ZNF853: variants seen among roughly 807,000 people sequenced by gnomAD.
The protein encoded by ZNF853 is zinc finger protein 853.
Under a neutral mutation model 94.7 loss-of-function variants are expected in ZNF853, and 57 were observed. The observed-to-expected ratio is 0.60, with a 90% CI of 0.49 to 0.75. The LOEUF is 0.75. Among genes scored for constraint, ZNF853 ranks in the 30% least tolerant of loss-of-function variants. ZNF853 has a pLI of 0.00. For synonymous variants in ZNF853, 448 were observed against 406.3 expected, an observed-to-expected ratio of 1.10 and a Z score of -1.23; for missense variants, 785 against 868.9, an observed-to-expected ratio of 0.90 and a Z score of 1.21.
At position 6,623,049 on chromosome 7, in the gene ZNF853, A is replaced by G; in HGVS notation, c.*78A>G. 1 of 1,208,640 alleles carries G rather than the reference A, an allele frequency of 8.3e-7. No individual in the cohort carries two copies. Among genetic ancestry groups the G allele is most frequent in the Non-Finnish European group, 1.0e-6 (1 of 966,224 alleles). 74.9% of individuals were successfully genotyped at this position (1,208,640 alleles called of 1,614,324 possible). Reference sequence around the variant, plus strand: ...CTGAAAAGCTCCTTGACCCGGGTTCATGGGCGCTGGAGGCGTCCTGGAATA... The same window carrying G: ...CTGAAAAGCTCCTTGACCCGGGTTCGTGGGCGCTGGAGGCGTCCTGGAATA... On this transcript the variant is annotated 3_prime_UTR_variant, in exon 3 of 3. Transcript: ENST00000457543.
chr7:6,622,580 C>T lies in ZNF853; in HGVS notation c.1589C>T (p.Thr530Met), dbSNP rs1782654125. 1.3e-6 allele frequency: 2 copies of T among 1,573,394 alleles called. No homozygotes were observed. The highest frequency in any genetic ancestry group is 8.6e-7 in the Non-Finnish European group (1 of 1,160,536). The change falls in exon 3 of 3, where the codon ACG becomes ATG. Residue 530 changes from threonine to methionine, a missense_variant. Thr to Met is a moderately conservative substitution (Grantham distance 81). Coordinates refer to ENST00000457543, the MANE Select transcript of ZNF853 (RefSeq NM_017560.3). ...TTCTCGCAGCACTCGAATCTGGTGA[C>T]GCACCAACGCATCCACACGGGCGAG... ...KGFSQHSNLV[T>M]HQRIHTGEKP...
chr7:6,621,725 A>T lies in ZNF853; in HGVS notation c.734A>T (p.Gln245Leu). 2 of 1,551,050 alleles carry T rather than the reference A, an allele frequency of 1.3e-6. No individual in the cohort carries two copies. Among genetic ancestry groups the T allele is most frequent in the Non-Finnish European group, 8.7e-7 (1 of 1,146,966 alleles). Residue 245 changes from glutamine to leucine, a missense_variant, in exon 3 of 3, where the codon CAG becomes CTG. Coordinates refer to ENST00000457543, the MANE Select transcript of ZNF853 (RefSeq NM_017560.3). ...LQQQQQLLLL[Q>L]QQGQLQQQLL... ...CAGCAGCAGCAGCTACTATTGCTGC[A>T]GCAGCAGGGACAGTTACAGCAGCAA...
intron 1 of ZNF853, among the ~76,000 whole-genome samples, 190 bp downstream of exon 1, chr7:6,616,376 C>T: frequency 3.3e-5 from 5 of 152,112 alleles, no homozygotes; most frequent in Admixed American, 2.0e-4. Context: ...CTGCCTTGCC[C>T]GGGAGCTGGG....
chr7:6,619,656 A>C, intron 2 of ZNF853, among the ~76,000 whole-genome samples: 5 of 152,334 alleles, frequency 3.3e-5, no homozygotes, highest in African/African-American at 1.2e-4. Context: ...CTTCCATTAC[A>C]AAATGGAAAA....
At chr7:6,620,077 G>A in intron 2 of ZNF853, among the ~76,000 whole-genome samples, 44,560 of 151,938 alleles carry the variant, frequency 0.29, 6,709 homozygotes, top group Admixed American at 0.39. Context: ...TTGTTGTACT[G>A]TTTAAGCAGA....
Position 6,622,872 on chromosome 7 carries a change from C to G in ZNF853, c.1881C>G (p.Gly627=). 2 of 1,368,740 alleles carry G rather than the reference C, an allele frequency of 1.5e-6. No homozygotes were observed. Among genetic ancestry groups the G allele is most frequent in the Admixed American group, 3.7e-5 (1 of 26,800 alleles). The allele number at this position is 1,368,740 out of a possible 1,614,324, so 84.8% of individuals were successfully genotyped here. ...RQLHGAGRSR[G]LGLLRASRPA... ...TGCACGGCGCGGGCCGCTCCAGGGG[C>G]CTCGGCCTGCTGCGCGCCTCGCGGC... Residue 627 remains glycine, a synonymous_variant, in exon 3 of 3, where the codon GGC becomes GGG. Transcript: ENST00000457543.
Position 6,623,421 on chromosome 7 carries a change from G to A in ZNF853, c.*450G>A, listed in dbSNP as rs578107639. ...AAAATGATCGCAAGGAGAAATTCGG[G>A]GAGGAAGCAAACTTGTTTGCACTAT... is the stretch of plus-strand genomic sequence containing the variant. On this transcript the variant is annotated 3_prime_UTR_variant, in exon 3 of 3. Coordinates refer to ENST00000457543, the MANE Select transcript of ZNF853 (RefSeq NM_017560.3). 36 of 398,542 alleles carry A rather than the reference G, an allele frequency of 9.0e-5. No homozygotes were observed. Among genetic ancestry groups the A allele is most frequent in the African/African-American group, 2.7e-4 (13 of 48,734 alleles). The allele number at this position is 398,542 out of a possible 1,614,324, so 24.7% of individuals were successfully genotyped here.
Position 6,623,644 on chromosome 7 carries a change from C to T in ZNF853, c.*673C>T, listed in dbSNP as rs537199181. 2.4e-5 allele frequency: 7 copies of T among 287,764 alleles called. No homozygotes were observed. In the South Asian group the frequency reaches 6.7e-4, roughly 27 times the overall value. 17.8% of individuals were successfully genotyped at this position (287,764 alleles called of 1,614,324 possible). Reference sequence around the variant, plus strand: ...CTCCGGGTGGAAGGTAAAACCTTCCCTCCAGGGAACCAGGGGCTCCGGCGG... The same window carrying T: ...CTCCGGGTGGAAGGTAAAACCTTCCTTCCAGGGAACCAGGGGCTCCGGCGG... On this transcript the variant is annotated 3_prime_UTR_variant, in exon 3 of 3. Coordinates refer to ENST00000457543, the MANE Select transcript of ZNF853 (RefSeq NM_017560.3).
At position 6,622,302 on chromosome 7, in the gene ZNF853, C is replaced by G. The variant is rs938716215; in HGVS notation, c.1311C>G (p.Pro437=). 6.6e-7 allele frequency: 1 copy of G among 1,508,508 alleles called. No individual in the cohort carries two copies. Among genetic ancestry groups the G allele is most frequent in the Non-Finnish European group, 8.8e-7 (1 of 1,135,354 alleles). 93.4% of individuals were successfully genotyped at this position (1,508,508 alleles called of 1,614,324 possible). Residue 437 remains proline, a synonymous_variant, in exon 3 of 3, where the codon CCC becomes CCG. Coordinates refer to ENST00000457543, the MANE Select transcript of ZNF853 (RefSeq NM_017560.3). ...PGAPAAVVVA[P]PGYVVVQELM... is the part of the protein sequence containing the mutation. Reference sequence around the variant, plus strand: ...CTCCGGCCGCGGTCGTGGTGGCTCCCCCGGGCTACGTGGTGGTGCAGGAGC... The same window carrying G: ...CTCCGGCCGCGGTCGTGGTGGCTCCGCCGGGCTACGTGGTGGTGCAGGAGC...
chr7:6,616,781 C>A, intron 1 of ZNF853, among the ~76,000 whole-genome samples: 1 of 151,840 alleles, frequency 6.6e-6, no homozygotes, highest in East Asian at 1.9e-4. Flanking sequence ...TTGAAGGAGG[C>A]AGGGAGGATG....
At position 6,623,194 on chromosome 7, in the gene ZNF853, C is replaced by G. The variant is rs978755333; in HGVS notation, c.*223C>G. On this transcript the variant is annotated 3_prime_UTR_variant, in exon 3 of 3. Coordinates refer to ENST00000457543, the MANE Select transcript of ZNF853 (RefSeq NM_017560.3). Reference sequence around the variant, plus strand: ...TCCATCCGCCAAAAGAGAAGTGGACCGGGGCTGAAACAGCACACGGGACAC... The same window carrying G: ...TCCATCCGCCAAAAGAGAAGTGGACGGGGGCTGAAACAGCACACGGGACAC... 19 of 437,420 alleles carry G rather than the reference C, an allele frequency of 4.3e-5. No individual in the cohort carries two copies. The Admixed American group carries it at 4.8e-4, about 11-fold the overall frequency. 27.1% of individuals were successfully genotyped at this position (437,420 alleles called of 1,614,324 possible).
rs1303465340 is a variant in ZNF853 at position 6,622,409 on chromosome 7, G to GGCA, written c.1421_1423dup (p.Gln474dup). 3,156 of 1,406,290 alleles carry GGCA rather than the reference G, an allele frequency of 2.2e-3. 5 individuals are homozygous for GGCA. Among genetic ancestry groups the GGCA allele is most frequent in the Non-Finnish European group, 2.7e-3 (2,931 of 1,088,936 alleles). The allele number at this position is 1,406,290 out of a possible 1,614,324, so 87.1% of individuals were successfully genotyped here. ...GGCAGCGCGGCGTTGACCCCTGCAC[G>GGCA]GCAGCGGCGGCGGCGGCGCGCTCGG... On this transcript the variant is annotated inframe_insertion, in exon 3 of 3. Transcript: ENST00000457543.
chr7:6,622,776 GC>G lies in ZNF853; in HGVS notation c.1788del (p.Tyr597ThrfsTer102). 4.5e-6 allele frequency: 7 copies of G among 1,542,358 alleles called. No individual in the cohort carries two copies. The highest frequency in any genetic ancestry group is 6.1e-6 in the Non-Finnish European group (7 of 1,147,506). Reference sequence around the variant, plus strand: ...ACCGGCGCACGCACTCGGGCGAGCGGCCCTACGTGTGCGAGGACTGTGGCGA... The same window carrying G: ...ACCGGCGCACGCACTCGGGCGAGCGGCCTACGTGTGCGAGGACTGTGGCGA... ...RHRRTHSGER[P>X]YVCEDCGERF... On this transcript the variant is annotated frameshift_variant, in exon 3 of 3. Transcript: ENST00000457543. LOFTEE classifies it high-confidence loss of function.
At chr7:6,616,642 G>A in intron 1 of ZNF853, among the ~76,000 whole-genome samples, 1 of 152,028 alleles carries the variant, frequency 6.6e-6, no homozygotes, top group Non-Finnish European at 1.5e-5. Context: ...GGCGGAGGCA[G>A]GAGAATCGCT....
rs751517009 is a variant in ZNF853, at chr7:6,622,291, G to T, written c.1300G>T (p.Val434Leu). Residue 434 changes from valine to leucine, a missense_variant, in exon 3 of 3, where the codon GTG becomes TTG. Physicochemically the swap from Val to Leu is conservative, Grantham distance 32 (BLOSUM62 1). Coordinates refer to ENST00000457543, the MANE Select transcript of ZNF853 (RefSeq NM_017560.3). ...GGTCCCGGGGGCTCCGGCCGCGGTC[G>T]TGGTGGCTCCCCCGGGCTACGTGGT... ...AAVPGAPAAV[V>L]VAPPGYVVVQ... 235 of 1,505,756 alleles carry T rather than the reference G, an allele frequency of 1.6e-4. 2 individuals are homozygous for T. Among genetic ancestry groups the T allele is most frequent in the Non-Finnish European group, 2.0e-5 (23 of 1,133,720 alleles). The allele number at this position is 1,505,756 out of a possible 1,614,324, so 93.3% of individuals were successfully genotyped here.
At chr7:6,619,291 G>A in intron 2 of ZNF853, among the ~76,000 whole-genome samples, 6 of 151,462 alleles carry the variant, frequency 4.0e-5, no homozygotes, top group African/African-American at 1.5e-4. Flanking sequence ...TTGTTTTTTT[G>A]ATAAGGAGTC....
Position 6,621,685 on chromosome 7 carries a change from C to G in ZNF853, c.694C>G (p.Gln232Glu). ...QLQQQQFQQQQEQLQQQQQLL... is the reference protein window; with the variant it reads ...QLQQQQFQQQEEQLQQQQQLL... ...ACAGCAGCAACAGTTTCAACAGCAG[C>G]AGGAACAGTTACAGCAGCAGCAGCA... Residue 232 changes from glutamine (Q) to glutamate (E), a missense_variant, in exon 3 of 3, where the codon CAG (glutamine) becomes GAG (glutamate). Coordinates refer to ENST00000457543, the MANE Select transcript of ZNF853 (RefSeq NM_017560.3). The G allele has an allele frequency of 1.3e-6, 2 of 1,551,546 alleles. No homozygotes were observed. Among genetic ancestry groups the G allele is most frequent in the Non-Finnish European group, 1.7e-6 (2 of 1,146,992 alleles).
Position 6,622,714 on chromosome 7 carries a change from G to C in ZNF853, c.1723G>C (p.Gly575Arg). 6.4e-7 allele frequency: 1 copy of C among 1,572,040 alleles called. No homozygotes were observed. The change falls in exon 3 of 3, where the codon GGC becomes CGC. Residue 575 changes from glycine to arginine, a missense_variant. Transcript: ENST00000457543. ...GCGACCCTACGCCTGCGGGGACTGT[G>C]GCAAGCGCTTCAGCGTCTCCTCCAA... ...GERPYACGDC[G>R]KRFSVSSNLL...
rs923613028 is a variant in ZNF853, at chr7:6,615,704, CCGCCCCGGCCCCCGCG to C, written c.-468_-453del. ...CCTTGCCGCGGCGCCCGCCCCGCCC[CCGCCCCGGCCCCCGCG>C]CGGCCCGGCCCAGGCCGCCCGCAGG... On this transcript the variant is annotated 5_prime_UTR_variant, in exon 1 of 3. Transcript: ENST00000457543. This position sits in a 1 kb window ranked among gnomAD's most constrained non-coding sequence, Gnocchi z 8.5. The C allele has an allele frequency of 1.4e-5, 2 of 145,088 alleles. No homozygotes were observed. The highest frequency in any genetic ancestry group is 4.9e-5 in the African/African-American group (2 of 40,478). 9.0% of individuals were successfully genotyped at this position (145,088 alleles called of 1,614,324 possible). A position where few individuals can be genotyped will look rare whatever the true frequency, so the allele number is the denominator to read the frequency against.
Sources: gnomAD v4.1 joint callset for allele counts (sites outside exome capture counted in the v4.1 genomes callset) on GRCh38, gnomAD v4.1.1 for gene constraint, Gnocchi (gnomAD v3.1) non-coding constraint, MANE v1.5 for transcripts, NCBI Gene and HGNC (gene_info 2026-07-23, HGNC 2026-07-21) for gene names.